Variants in RASAL2 observed in about 807,000 individuals in gnomAD.
RASAL2 encodes the protein RAS protein activator like 2.
Under a neutral mutation model 128.9 loss-of-function variants are expected in RASAL2, and 58 were observed. The ratio of observed to expected loss-of-function variants is 0.45; its 90% CI spans 0.36 to 0.56. The LOEUF is 0.56. RASAL2 is among the 20% of genes least tolerant of loss of function. The pLI is 0.00. For missense variants in RASAL2, 1,360 were observed against 1,601.6 expected, an observed-to-expected ratio of 0.85 and a Z score of 2.57; for synonymous variants, 561 against 580.8, an observed-to-expected ratio of 0.97 and a Z score of 0.49.
chr1:178,471,732 G>A (rs1435181353), intron 17 of RASAL2, among the ~76,000 whole-genome samples: 2 of 152,052 alleles, frequency 1.3e-5, no homozygotes, highest in Non-Finnish European at 2.9e-5. Flanking sequence ...TTGATGCCAT[G>A]GTGGTATGTG....
At chr1:178,222,319 A>G (rs1190120133) in intron 1 of RASAL2, among the ~76,000 whole-genome samples, 6 of 151,888 alleles carry the variant, frequency 4.0e-5, no homozygotes, top group Non-Finnish European at 7.4e-5. Flanking sequence ...TTTTCCTTAT[A>G]TGTCTTCCAC....
At chr1:178,235,599 CGTGTGT>C (rs149134252) in intron 1 of RASAL2, among the ~76,000 whole-genome samples, 8 of 149,974 alleles carry the variant, frequency 5.3e-5, no homozygotes, top group Admixed American at 5.3e-4. Flanking sequence ...GCTTCGTGTG[CGTGTGT>C]GTGTGTGTGT....
intron 1 of RASAL2, among the ~76,000 whole-genome samples, chr1:178,148,374 G>C (rs1353714788): frequency 6.6e-6 from 1 of 152,102 alleles, no homozygotes; most frequent in Non-Finnish European, 1.5e-5. Flanking sequence ...GTGAATTTAA[G>C]CACAGTAATT....
chr1:178,342,791 C>G (rs1251225200), intron 3 of RASAL2, among the ~76,000 whole-genome samples: 2 of 152,116 alleles, frequency 1.3e-5, no homozygotes, highest in Non-Finnish European at 2.9e-5. Context: ...TTTAAATTAT[C>G]CAGCTATTTT....
chr1:178,442,869 T>C lies in RASAL2; in HGVS notation c.1122T>C (p.Ser374=), dbSNP rs1557993287. 5 of 1,613,904 alleles carry C rather than the reference T, an allele frequency of 3.1e-6. No individual in the cohort carries two copies. In the East Asian group the frequency reaches 6.7e-5, roughly 22 times the overall value. The part of the protein sequence containing the change: ...FEFFSLPPLH[S]ITVHIYKDVE... ...TCTTCAGCCTTCCACCTCTTCATAG[T>C]ATCACAGTTCACATTTACAAGGATG... The change falls in exon 8 of 18, where the codon AGT becomes AGC. Residue 374 remains serine (S), a synonymous_variant. Transcript: ENST00000367649.
At chr1:178,164,838 T>TGG (rs1320756054) in intron 1 of RASAL2, among the ~76,000 whole-genome samples, 2 of 149,592 alleles carry the variant, frequency 1.3e-5, no homozygotes, top group East Asian at 3.9e-4. Context: ...TGTGTGTGTG[T>TGG]GTGTGTGTGT....
chr1:178,182,791 A>C (rs542496050), intron 1 of RASAL2, among the ~76,000 whole-genome samples: 1 of 147,218 alleles, frequency 6.8e-6, no homozygotes, highest in Admixed American at 6.8e-5. Context: ...AGCTTCATCA[A>C]CTAGAGCAGC....
intron 3 of RASAL2, among the ~76,000 whole-genome samples, chr1:178,336,697 T>G (rs1236133818): frequency 6.6e-6 from 1 of 151,842 alleles, no homozygotes; most frequent in Non-Finnish European, 1.5e-5. Context: ...GAAAATGAAT[T>G]TGTTTAAACT....
intron 1 of RASAL2, among the ~76,000 whole-genome samples, chr1:178,220,513 C>T (rs971142648): frequency 4.6e-5 from 7 of 152,116 alleles, no homozygotes; most frequent in African/African-American, 1.4e-4. Flanking sequence ...AGAATTACTA[C>T]GGGTGATACA....
In RASAL2 at chr1:178,476,081, G is replaced by C. The variant is rs1406542930; in HGVS notation, c.*2842G>C. Reference sequence around the variant, plus strand: ...AAATAACTTTGTTTGCTGGGAGGAGGTACATGGCTGAAGAGAGGCAAATAG... The same window carrying C: ...AAATAACTTTGTTTGCTGGGAGGAGCTACATGGCTGAAGAGAGGCAAATAG... On this transcript the variant is annotated 3_prime_UTR_variant, in exon 18 of 18. Transcript: ENST00000367649. 1 of 152,202 alleles carries C rather than the reference G, an allele frequency of 6.6e-6. No individual in the cohort carries two copies. Among genetic ancestry groups the C allele is most frequent in the Admixed American group, 6.5e-5 (1 of 15,284 alleles). 9.4% of individuals were successfully genotyped at this position (152,202 alleles called of 1,614,324 possible).
intron 2 of RASAL2, among the ~76,000 whole-genome samples, chr1:178,286,859 C>T (rs1183908195): frequency 6.6e-6 from 1 of 152,142 alleles, no homozygotes; most frequent in Non-Finnish European, 1.5e-5. Context: ...GCTGTCAGTT[C>T]CTTGAACTTT....
At chr1:178,236,960 C>T (rs986181605) in intron 1 of RASAL2, among the ~76,000 whole-genome samples, 13 of 151,686 alleles carry the variant, frequency 8.6e-5, no homozygotes, top group African/African-American at 2.7e-4. Context: ...GATGGGGTTT[C>T]GCCATGTTGG....
intron 3 of RASAL2, 72 bp from the exon 4 acceptor site, chr1:178,390,028 A>C: frequency 1.1e-6 from 1 of 919,586 alleles, no homozygotes; most frequent in Non-Finnish European, 1.7e-6. Flanking sequence ...AAAACCAGTA[A>C]CTTTACAGTT....
At chr1:178,153,062 A>T (rs1032076686) in intron 1 of RASAL2, among the ~76,000 whole-genome samples, 2 of 152,120 alleles carry the variant, frequency 1.3e-5, no homozygotes, top group African/African-American at 4.8e-5. Context: ...GGTAGTTGTT[A>T]TATTTCTAGA....
chr1:178,188,528 T>G (rs1662387543), intron 1 of RASAL2, among the ~76,000 whole-genome samples: 1 of 152,150 alleles, frequency 6.6e-6, no homozygotes, highest in South Asian at 2.1e-4. Flanking sequence ...TTGGTCATAA[T>G]AGGAAATGGA....
chr1:178,277,511 A>G (rs1666581130), intron 1 of RASAL2, among the ~76,000 whole-genome samples: 1 of 152,228 alleles, frequency 6.6e-6, no homozygotes, highest in Non-Finnish European at 1.5e-5. Flanking sequence ...AGCTTTTATG[A>G]AGTAATACTT....
chr1:178,175,437 C>CGTGTGTGCGTGT (rs1661849427), intron 1 of RASAL2, among the ~76,000 whole-genome samples: 2 of 144,334 alleles, frequency 1.4e-5, no homozygotes, highest in African/African-American at 5.2e-5. Context: ...TACATGGTTA[C>CGTGTGTGCGTGT]GTGTGTGTGT....
intron 1 of RASAL2, among the ~76,000 whole-genome samples, chr1:178,182,446 C>T (rs1451433831): frequency 1.3e-5 from 2 of 152,098 alleles, no homozygotes; most frequent in Admixed American, 1.3e-4. Context: ...ACTGGGGCAT[C>T]GTTGCTTCTA....
At chr1:178,136,797 T>C (rs1157291847) in intron 1 of RASAL2, among the ~76,000 whole-genome samples, 2 of 93,746 alleles carry the variant, frequency 2.1e-5, no homozygotes, top group Non-Finnish European at 2.2e-5. Context: ...GATGAAAAGA[T>C]AAGACAACCA....
Sources: allele counts gnomAD v4.1 joint callset (sites outside exome capture counted in the v4.1 genomes callset), GRCh38; gene constraint gnomAD v4.1.1; transcripts MANE v1.5; gene names NCBI Gene and HGNC (gene_info 2026-07-23, HGNC 2026-07-21).